Variants in OCA2 observed in about 807,000 individuals in gnomAD.
The protein encoded by OCA2 is OCA2 melanosomal transmembrane protein, also known as P protein.
In OCA2, 77 loss-of-function variants were observed where a neutral mutation model predicts 100.2. The observed-to-expected ratio is 0.77, with a 90% CI of 0.64 to 0.93. The LOEUF (loss-of-function observed/expected upper bound fraction) is 0.93. Ranked by LOEUF, OCA2 falls within the 40% of genes least tolerant of loss-of-function variation. The pLI, the probability that OCA2 is intolerant of heterozygous loss-of-function variation, is 0.00. For missense variants in OCA2, 1,062 were observed against 1,089.1 expected (o/e 0.98, Z 0.35); for synonymous variants, 432 against 439.2 (o/e 0.98, Z 0.21).
the OCA2 span, among the ~76,000 whole-genome samples, chr15:27,734,452 G>A: frequency 1.3e-5 from 2 of 152,130 alleles, no homozygotes; most frequent in Non-Finnish European, 2.9e-5. Flanking sequence ...TCTTCTTGGG[G>A]GAATGAGAGG....
At chr15:27,948,766 A>C (rs947504460) in intron 18 of OCA2, among the ~76,000 whole-genome samples, 1 of 152,202 alleles carries the variant, frequency 6.6e-6, no homozygotes. Context: ...GTGCCCGGCC[A>C]AACATGAACC....
intron 2 of OCA2, among the ~76,000 whole-genome samples, chr15:28,064,027 T>G (rs992842781): frequency 1.4e-4 from 21 of 152,134 alleles, no homozygotes; most frequent in Non-Finnish European, 2.8e-4. Context: ...GGGAATTTCT[T>G]AACATCTCCC....
chr15:28,097,160 G>A (rs929734331), intron 1 of OCA2, among the ~76,000 whole-genome samples: 9 of 152,232 alleles, frequency 5.9e-5, no homozygotes, highest in Non-Finnish European at 7.3e-5. Context: ...CGCCTCAGTG[G>A]GTGGCCGGGC....
intron 2 of OCA2, among the ~76,000 whole-genome samples, chr15:28,059,719 GA>G (rs2043813495): frequency 6.6e-6 from 1 of 152,144 alleles, no homozygotes; most frequent in African/African-American, 2.4e-5. Flanking sequence ...CCCAAAAAGG[GA>G]AGAGCAAATC....
intron 11 of OCA2, among the ~76,000 whole-genome samples, chr15:27,989,233 G>A (rs1230589608): frequency 6.6e-6 from 1 of 152,188 alleles, no homozygotes; most frequent in African/African-American, 2.4e-5. Context: ...ATACTTAGGA[G>A]TGACACCTTC....
chr15:27,822,038 G>A (rs1202674658), intron 23 of OCA2, among the ~76,000 whole-genome samples: 1 of 152,144 alleles, frequency 6.6e-6, no homozygotes. Flanking sequence ...AGAAACAAGT[G>A]AGCAGCCCAT....
At chr15:27,770,871 C>CT (rs2031735228) in intron 23 of OCA2, among the ~76,000 whole-genome samples, 4 of 116,800 alleles carry the variant, frequency 3.4e-5, no homozygotes, top group Non-Finnish European at 5.3e-5. Context: ...CCTTCCTTCC[C>CT]TCCTTCCTTT....
At chr15:27,971,397 G>C (rs2040785662) in intron 14 of OCA2, among the ~76,000 whole-genome samples, 1 of 152,158 alleles carries the variant, frequency 6.6e-6, no homozygotes, top group African/African-American at 2.4e-5. Flanking sequence ...AGTCTCTGTA[G>C]AACAGGCATA....
intron 23 of OCA2, among the ~76,000 whole-genome samples, chr15:27,835,518 C>G (rs969840433): frequency 6.6e-6 from 1 of 152,212 alleles, no homozygotes; most frequent in African/African-American, 2.4e-5. Flanking sequence ...TGGAATAGTA[C>G]CAGCTGCCCT....
chr15:27,900,714 C>T (rs779469312), intron 19 of OCA2, among the ~76,000 whole-genome samples: 1 of 152,196 alleles, frequency 6.6e-6, no homozygotes, highest in East Asian at 1.9e-4. Flanking sequence ...GCTTTCAATT[C>T]TCAGAGGGAA....
chr15:27,859,839 A>T (rs1424791379), intron 21 of OCA2, among the ~76,000 whole-genome samples: 1 of 152,124 alleles, frequency 6.6e-6, no homozygotes, highest in Non-Finnish European at 1.5e-5. Flanking sequence ...CGATGGAAAG[A>T]CCCCAGGGCT....
At chr15:28,060,117 G>A (rs747573118) in intron 2 of OCA2, among the ~76,000 whole-genome samples, 5 of 152,230 alleles carry the variant, frequency 3.3e-5, no homozygotes, top group Non-Finnish European at 5.9e-5. Context: ...GCAGTCTCAT[G>A]TTTCACCTGG....
Position 27,871,873 on chromosome 15 carries a change from A to C in OCA2, c.2129T>G (p.Leu710Trp). 1.2e-6 allele frequency: 2 copies of C among 1,603,042 alleles called. No individual in the cohort carries two copies. The highest frequency in any genetic ancestry group is 8.5e-7 in the Non-Finnish European group (1 of 1,170,454). ...LIEYVGEQTALLIKMVPEEQR... is the reference protein window; with the variant it reads ...LIEYVGEQTAWLIKMVPEEQR... ...TAGCATTTATTTTACCTTTATTAGCAAAGCAGTTTGTTCTCCAACATATTC... is the reference window on the plus strand; with the variant it reads ...TAGCATTTATTTTACCTTTATTAGCCAAGCAGTTTGTTCTCCAACATATTC... Residue 710 changes from leucine to tryptophan, a missense_variant, in exon 20 of 24, where the codon TTG becomes TGG. By Grantham distance (61) the Leu-to-Trp change is moderately conservative (BLOSUM62 -2). Transcript: ENST00000354638.
intron 14 of OCA2, 109 bp downstream of exon 14, chr15:27,983,236 A>T: frequency 7.6e-7 from 1 of 1,321,386 alleles, no homozygotes; most frequent in South Asian, 1.2e-5. Flanking sequence ...TACTGTGAAG[A>T]GGTGGCGTGA....
intron 15 of OCA2, among the ~76,000 whole-genome samples, chr15:27,959,646 C>T (rs2040346592): frequency 6.6e-6 from 1 of 152,158 alleles, no homozygotes; most frequent in Non-Finnish European, 1.5e-5. Context: ...TGGGTGCGGG[C>T]TGGAAGTCTC....
At chr15:28,086,082 T>C (rs1248563418) in intron 1 of OCA2, among the ~76,000 whole-genome samples, 3 of 152,174 alleles carry the variant, frequency 2.0e-5, no homozygotes, top group Non-Finnish European at 4.4e-5. Flanking sequence ...TCACCGTTGC[T>C]GAGTGCTAGG....
At chr15:27,991,706 T>A (rs2041562081) in intron 9 of OCA2, among the ~76,000 whole-genome samples, 1 of 152,152 alleles carries the variant, frequency 6.6e-6, no homozygotes, top group African/African-American at 2.4e-5. Context: ...TTAATGGTAT[T>A]TAAATTATAC....
chr15:27,731,109 C>T, the OCA2 span, among the ~76,000 whole-genome samples: 1 of 152,124 alleles, frequency 6.6e-6, no homozygotes, highest in South Asian at 2.1e-4. Flanking sequence ...GTGTCACAGG[C>T]TGTTAGTACA....
intron 23 of OCA2, among the ~76,000 whole-genome samples, chr15:27,841,467 C>G (rs1051380325): frequency 6.6e-6 from 1 of 152,158 alleles, no homozygotes; most frequent in Admixed American, 6.5e-5. Flanking sequence ...CTCACAGAAT[C>G]TCTCTGAATT....
Sources: gnomAD v4.1 joint callset for allele counts (sites outside exome capture counted in the v4.1 genomes callset) on GRCh38, gnomAD v4.1.1 for gene constraint, MANE v1.5 for transcripts, NCBI Gene and HGNC (gene_info 2026-07-23, HGNC 2026-07-21) for gene names.